The following TLN2 variants were observed in gnomAD, a reference collection of about 807,000 sequenced individuals.
TLN2 encodes talin 2.
A neutral mutation model predicts 294.7 loss-of-function variants in TLN2; 118 were observed. The ratio of observed to expected loss-of-function variants is 0.40; its 90% confidence interval spans 0.34 to 0.47. The LOEUF is 0.47. Ranked by LOEUF, TLN2 falls within the 20% of genes least tolerant of loss-of-function variation. TLN2 has a pLI of 0.84. For synonymous variants in TLN2, 1,431 were observed against 1,304.5 expected (o/e 1.10, Z -2.09); for missense variants, 3,083 against 3,282.2 (o/e 0.94, Z 1.48).
At chr15:62,425,211 CTGAAGTGCTGGGATTACAGGTT>C in intron 1 of TLN2, among the ~76,000 whole-genome samples, 1 of 152,326 alleles carries the variant, frequency 6.6e-6, no homozygotes, top group East Asian at 1.9e-4. Flanking sequence ...CCTCTGCCTC[CTGAAGTGCTGGGATTACAGGTT>C]TGAGCCACTG....
chr15:62,770,104 G>A (rs1595931697), intron 41 of TLN2, among the ~76,000 whole-genome samples: 1 of 152,338 alleles, frequency 6.6e-6, no homozygotes, highest in Admixed American at 6.5e-5. Context: ...AGCCAGGGCT[G>A]TGGGGTGGGA....
intron 1 of TLN2, among the ~76,000 whole-genome samples, chr15:62,556,915 G>A (rs1321608750): frequency 6.6e-6 from 1 of 152,110 alleles, no homozygotes; most frequent in Admixed American, 6.5e-5. Flanking sequence ...CAAATTAACT[G>A]TAATCAGGGG....
In TLN2 at chr15:62,647,451, G is replaced by A; in HGVS notation, c.136+5G>A. ...CTGAGGCACAAACTGGGCAAGGTAG[G>A]TCATGGGTTATTTACTGGCTTCTTA... is the stretch of plus-strand genomic sequence containing the variant. On this transcript the variant is annotated splice_donor_5th_base_variant and intron_variant, in intron 4 of 58. Transcript: ENST00000636159. The A allele has an allele frequency of 1.2e-6, 2 of 1,613,242 alleles. No individual in the cohort carries two copies. The highest frequency in any genetic ancestry group is 1.7e-6 in the Non-Finnish European group (2 of 1,179,824).
chr15:62,412,583 C>T (rs1236523635), intron 1 of TLN2, among the ~76,000 whole-genome samples: 8 of 152,144 alleles, frequency 5.3e-5, no homozygotes, highest in Non-Finnish European at 8.8e-5. Flanking sequence ...TTCTTCCTGT[C>T]CCTGGGTAAA....
At chr15:62,588,706 A>ATATG (rs2045855023) in intron 1 of TLN2, among the ~76,000 whole-genome samples, 1 of 113,294 alleles carries the variant, frequency 8.8e-6, no homozygotes, top group Non-Finnish European at 1.9e-5. Context: ...ATATATATAT[A>ATATG]TGAAATATAC....
intron 3 of TLN2, among the ~76,000 whole-genome samples, chr15:62,634,327 AT>A (rs1363997496): frequency 6.6e-6 from 1 of 152,104 alleles, no homozygotes; most frequent in East Asian, 1.9e-4. Flanking sequence ...CTTACCTTTT[AT>A]CCCTGTCTCT....
intron 1 of TLN2, among the ~76,000 whole-genome samples, chr15:62,563,778 A>C (rs1208127485): frequency 6.6e-6 from 1 of 152,180 alleles, no homozygotes; most frequent in South Asian, 2.1e-4. Context: ...GGTTGGCTTC[A>C]CTGGCTTCCT....
At chr15:62,759,410 C>A (rs1167940178) in intron 37 of TLN2, among the ~76,000 whole-genome samples, 1 of 151,884 alleles carries the variant, frequency 6.6e-6, no homozygotes, top group Non-Finnish European at 1.5e-5. Context: ...ATTTTAGGGC[C>A]TGTGCTCAAA....
intron 1 of TLN2, among the ~76,000 whole-genome samples, chr15:62,510,744 C>T (rs991392446): frequency 1.3e-5 from 2 of 152,252 alleles, no homozygotes; most frequent in Admixed American, 1.3e-4. Flanking sequence ...AGTGCCCTTT[C>T]TCTGCCCTGC....
At chr15:62,743,585 C>T (rs562455644) in intron 32 of TLN2, among the ~76,000 whole-genome samples, 1 of 152,282 alleles carries the variant, frequency 6.6e-6, no homozygotes, top group East Asian at 1.9e-4. Flanking sequence ...TGGGTTCTGG[C>T]TCTTTTCTGA....
intron 1 of TLN2, among the ~76,000 whole-genome samples, chr15:62,444,010 T>G (rs541086898): frequency 1.4e-4 from 22 of 152,182 alleles, no homozygotes; most frequent in Admixed American, 3.3e-4. Context: ...GGGGAGAATC[T>G]GTTTTCTAGC....
At chr15:62,470,535 G>GCA (rs2037410969) in intron 1 of TLN2, among the ~76,000 whole-genome samples, 1 of 152,244 alleles carries the variant, frequency 6.6e-6, no homozygotes, top group African/African-American at 2.4e-5. Flanking sequence ...GCCTCAGAGA[G>GCA]CACGGGCAGG....
rs146842385 is a variant in TLN2 at position 62,725,302 on chromosome 15, T to C, written c.3255+198T>C. ...GAGCGCTGGATTCTACACTCAGCTG[T>C]ATCATCAACTAGCTGTGCACGCGTC... On this transcript the variant is annotated intron_variant, in intron 27 of 58. Transcript: ENST00000636159. Among the ~76,000 whole-genome samples, 542 of 152,338 alleles carry C rather than the reference T, an allele frequency of 3.6e-3. 3 individuals are homozygous for C. Among genetic ancestry groups the C allele is most frequent in the African/African-American group, 0.012 (496 of 41,582 alleles).
At chr15:62,539,435 T>G (rs1381494025) in intron 1 of TLN2, among the ~76,000 whole-genome samples, 1 of 152,130 alleles carries the variant, frequency 6.6e-6, no homozygotes, top group African/African-American at 2.4e-5. Context: ...ACAGCATATA[T>G]GATTGAAGTG....
rs754986736 is a variant in TLN2, at chr15:62,697,849, G to A, written c.1454G>A (p.Arg485Gln). Residue 485 changes from arginine (R) to glutamine (Q), a missense_variant, in exon 15 of 59, where the codon CGA becomes CAA. Arg to Gln is a conservative substitution (Grantham distance 43). Coordinates refer to ENST00000636159, the MANE Select transcript of TLN2 (RefSeq NM_015059.3). Reference sequence around the variant, plus strand: ...CAGGTCATGGTTGGGCAGATGCACCGAGGCCACATGCCGCCACTGGTGAGG... The same window carrying A: ...CAGGTCATGGTTGGGCAGATGCACCAAGGCCACATGCCGCCACTGGTGAGG... ...QQQVMVGQMH[R>Q]GHMPPLTSAQ... The A allele has an allele frequency of 1.6e-5, 26 of 1,612,238 alleles. No homozygotes were observed. In the Admixed American group the frequency reaches 1.8e-4, roughly 11 times the overall value.
chr15:62,839,346 G>C (rs562536849), intron 58 of TLN2, among the ~76,000 whole-genome samples: 3 of 152,192 alleles, frequency 2.0e-5, no homozygotes, highest in Non-Finnish European at 4.4e-5. Context: ...GGACAATGTA[G>C]TATATATTTT....
chr15:62,653,187 C>G lies in TLN2; in HGVS notation c.390C>G (p.Ser130=), dbSNP rs761395215. The change falls in exon 7 of 59, where the codon TCC becomes TCG. Residue 130 remains serine (S), a synonymous_variant. Transcript: ENST00000636159. ...GAATAACAAATTATGAAGAATACTCCTTAATCCAAGAAACTATTGAAGAAA... is the reference window on the plus strand; with the variant it reads ...GAATAACAAATTATGAAGAATACTCGTTAATCCAAGAAACTATTGAAGAAA... ...RIGITNYEEY[S]LIQETIEEKK... 6.3e-7 allele frequency: 1 copy of G among 1,594,048 alleles called. No homozygotes were observed. The highest frequency in any genetic ancestry group is 1.1e-5 in the South Asian group (1 of 87,680).
chr15:62,715,255 A>T (rs1050722227), intron 22 of TLN2, among the ~76,000 whole-genome samples: 1 of 152,226 alleles, frequency 6.6e-6, no homozygotes, highest in Non-Finnish European at 1.5e-5. Flanking sequence ...AAGTTTAGCA[A>T]ATTGGCCACT....
chr15:62,428,735 A>C (rs2034849574), intron 1 of TLN2, among the ~76,000 whole-genome samples: 1 of 152,178 alleles, frequency 6.6e-6, no homozygotes, highest in Non-Finnish European at 1.5e-5. Flanking sequence ...CCTGGCAGGT[A>C]CCTCTGGGAA....
Sources: allele counts gnomAD v4.1 joint callset (sites outside exome capture counted in the v4.1 genomes callset), GRCh38; gene constraint gnomAD v4.1.1; transcripts MANE v1.5; gene names NCBI Gene and HGNC (gene_info 2026-07-23, HGNC 2026-07-21).